Variants in ANKRD28 observed in about 807,000 individuals in gnomAD.
ANKRD28 encodes the protein ankyrin repeat domain 28.
In ANKRD28, 44 loss-of-function variants were observed where a neutral mutation model predicts 126.5. That is an observed-to-expected ratio of 0.35 (90% confidence interval 0.27 to 0.45). ANKRD28 has a LOEUF of 0.45. ANKRD28 is among the 20% of genes least tolerant of loss of function. ANKRD28 has a pLI of 1.00. For synonymous variants in ANKRD28, 442 were observed against 468.5 expected (o/e 0.94, Z 0.73); for missense variants, 1,110 against 1,316.6 (o/e 0.84, Z 2.43).
intron 14 of ANKRD28, among the ~76,000 whole-genome samples, chr3:15,705,814 A>T (rs1471333023): frequency 6.6e-6 from 1 of 152,098 alleles, no homozygotes; most frequent in Non-Finnish European, 1.5e-5. Context: ...CAGCCTGGCC[A>T]ACATGGTGAA....
intron 14 of ANKRD28, among the ~76,000 whole-genome samples, chr3:15,706,549 T>A (rs1431806499): frequency 6.6e-6 from 1 of 152,154 alleles, no homozygotes; most frequent in African/African-American, 2.4e-5. Context: ...ACAATAAACA[T>A]ACGTGTGCAT....
chr3:15,718,916 A>C (rs1435883215), intron 8 of ANKRD28, among the ~76,000 whole-genome samples: 3 of 152,206 alleles, frequency 2.0e-5, no homozygotes, highest in Admixed American at 6.5e-5. Context: ...GAAAAAACTA[A>C]CTTTTCTCCT....
rs187836041 is a variant in ANKRD28 at position 15,706,723 on chromosome 3, C to T, written c.1547+1201G>A. 3.3e-4 allele frequency among the ~76,000 whole-genome samples: 51 copies of T among 152,284 alleles called. 1 individual carries two copies. In the East Asian group the frequency reaches 8.7e-3, roughly 26 times the overall value. ...TCCCACCAACAGTATAAAAGTGTTCCTATTTCTCCACATCCTCTCCAGCAC... is the reference window on the plus strand; with the variant it reads ...TCCCACCAACAGTATAAAAGTGTTCTTATTTCTCCACATCCTCTCCAGCAC... On this transcript the variant is annotated intron_variant, in intron 14 of 27. Transcript: ENST00000683139.
intron 1 of ANKRD28, among the ~76,000 whole-genome samples, chr3:15,840,219 T>C (rs879721664): frequency 7.9e-5 from 12 of 152,192 alleles, no homozygotes; most frequent in Non-Finnish European, 1.6e-4. Flanking sequence ...AAAATCAACA[T>C]ACAATACTCA....
intron 14 of ANKRD28, among the ~76,000 whole-genome samples, chr3:15,705,477 T>C (rs887958709): frequency 5.3e-5 from 8 of 152,100 alleles, no homozygotes; most frequent in Non-Finnish European, 1.2e-4. Flanking sequence ...TCTGTGAAAG[T>C]AGTGGTAAAG....
intron 6 of ANKRD28, among the ~76,000 whole-genome samples, chr3:15,730,188 T>C (rs921113039): frequency 2.0e-5 from 3 of 152,250 alleles, no homozygotes; most frequent in African/African-American, 7.2e-5. Flanking sequence ...GTACCTTCTG[T>C]GTCAAAGTCA....
intron 4 of ANKRD28, among the ~76,000 whole-genome samples, chr3:15,743,303 T>C (rs1294490884): frequency 6.6e-6 from 1 of 152,060 alleles, no homozygotes; most frequent in Admixed American, 6.6e-5. Flanking sequence ...ACTATTGTCC[T>C]ATGACCCTGC....
chr3:15,673,217 T>C (rs2066562482), intron 27 of ANKRD28, among the ~76,000 whole-genome samples: 4 of 152,248 alleles, frequency 2.6e-5, no homozygotes, highest in African/African-American at 9.6e-5. Flanking sequence ...GAAGACCCTC[T>C]TAAGTACTCT....
chr3:15,857,043 C>T (rs1344157643), intron 1 of ANKRD28, among the ~76,000 whole-genome samples: 2 of 152,226 alleles, frequency 1.3e-5, no homozygotes, highest in Non-Finnish European at 2.9e-5. Flanking sequence ...AGCTGACCTG[C>T]TTTTCCTGTA....
chr3:15,678,018 T>G (rs895420185), intron 24 of ANKRD28, among the ~76,000 whole-genome samples, 191 bp downstream of exon 24: 1 of 152,196 alleles, frequency 6.6e-6, no homozygotes, highest in African/African-American at 2.4e-5. Context: ...CATGGTAAAG[T>G]AGACTCCTCA....
At chr3:15,786,003 A>G (rs1045147418) in intron 2 of ANKRD28, among the ~76,000 whole-genome samples, 8 of 152,084 alleles carry the variant, frequency 5.3e-5, no homozygotes, top group Non-Finnish European at 1.2e-4. Context: ...CTATGGAGAC[A>G]ATGTAAAAAA....
intron 3 of ANKRD28, among the ~76,000 whole-genome samples, chr3:15,759,948 C>T (rs572072747): frequency 3.9e-5 from 6 of 152,070 alleles, no homozygotes; most frequent in Non-Finnish European, 7.4e-5. Context: ...CCTCACACTG[C>T]ATAAGAATAA....
At chr3:15,740,053 T>C (rs1367985891) in intron 4 of ANKRD28, among the ~76,000 whole-genome samples, 1 of 152,188 alleles carries the variant, frequency 6.6e-6, no homozygotes, top group Non-Finnish European at 1.5e-5. Context: ...ATCTGTACTA[T>C]TACTCAGCAA....
chr3:15,732,857 G>A (rs1046635895), intron 6 of ANKRD28: 1 of 152,220 alleles, frequency 6.6e-6, no homozygotes, highest in African/African-American at 2.4e-5. Context: ...GAAGAAAAAG[G>A]AGATGGCTGC....
chr3:15,856,328 C>G (rs2061765238), intron 1 of ANKRD28, among the ~76,000 whole-genome samples: 1 of 152,160 alleles, frequency 6.6e-6, no homozygotes, highest in Non-Finnish European at 1.5e-5. Flanking sequence ...AACACTGAAG[C>G]CCAATGTCAA....
intron 6 of ANKRD28, among the ~76,000 whole-genome samples, chr3:15,724,907 G>A (rs989275462): frequency 2.0e-5 from 3 of 152,130 alleles, no homozygotes; most frequent in Non-Finnish European, 4.4e-5. Context: ...CTTGAGCCTG[G>A]GAGGTTAAGG....
At chr3:15,741,060 G>T (rs6775188) in intron 4 of ANKRD28, among the ~76,000 whole-genome samples, 127 of 152,162 alleles carry the variant, frequency 8.3e-4, no homozygotes, top group African/African-American at 2.7e-3. Flanking sequence ...TTAGCCAGGT[G>T]GGGGGGCGGG....
rs1283601195 is a variant in ANKRD28, at chr3:15,669,423, T to C, written c.*847A>G. 1 of 152,166 alleles carries C rather than the reference T, an allele frequency of 6.6e-6. No individual in the cohort carries two copies. The highest frequency in any genetic ancestry group is 2.4e-5 in the African/African-American group (1 of 41,442). 9.4% of individuals were successfully genotyped at this position (152,166 alleles called of 1,614,324 possible). A position where few individuals can be genotyped will look rare whatever the true frequency, so the allele number is the denominator to read the frequency against. ...ATGAATTTTTTTCTAGGAAATTCTT[T>C]ACATTTTCAAACAAAAATAGTACTA... On this transcript the variant is annotated 3_prime_UTR_variant, in exon 28 of 28. Coordinates refer to ENST00000683139, the MANE Select transcript of ANKRD28 (RefSeq NM_001349278.2).
intron 6 of ANKRD28, among the ~76,000 whole-genome samples, chr3:15,726,123 T>C (rs2074145898): frequency 6.6e-6 from 1 of 152,182 alleles, no homozygotes; most frequent in Admixed American, 6.6e-5. Context: ...GACCTTCCTC[T>C]TCACTCAGAC....
Sources: gnomAD v4.1 joint callset for allele counts (sites outside exome capture counted in the v4.1 genomes callset) on GRCh38, gnomAD v4.1.1 for gene constraint, MANE v1.5 for transcripts, NCBI Gene and HGNC (gene_info 2026-07-23, HGNC 2026-07-21) for gene names.